Variants in SAMD3 observed in about 807,000 individuals in gnomAD.
SAMD3 encodes sterile alpha motif domain containing 3.
SAMD3 carries 63 observed loss-of-function variants against 58.5 expected under a neutral mutation model. The observed-to-expected ratio is 1.08, with a 90% CI of 0.88 to 1.33. The LOEUF (loss-of-function observed/expected upper bound fraction) is 1.33. Among genes scored for constraint, SAMD3 ranks in the 40% most tolerant of loss-of-function variants. The pLI is 0.00. For synonymous variants in SAMD3, 220 were observed against 210.3 expected (o/e 1.05, Z -0.40); for missense variants, 604 against 608.4 (o/e 0.99, Z 0.08).
chr6:130,337,310 C>T (rs905305240), intron 1 of SAMD3, among the ~76,000 whole-genome samples: 21 of 152,180 alleles, frequency 1.4e-4, no homozygotes, highest in Admixed American at 1.0e-3. Context: ...GACGTGCCTG[C>T]TTCCCCTTCC....
rs139665877 is a variant in SAMD3, at chr6:130,150,858, T to C, written c.1023+3967A>G. Among the ~76,000 whole-genome samples, 111 of 152,062 alleles carry C rather than the reference T, an allele frequency of 7.3e-4. 1 individual carries two copies. The East Asian group carries it at 0.02, about 27-fold the overall frequency. On this transcript the variant is annotated intron_variant, in intron 9 of 11. Coordinates refer to ENST00000439090, the MANE Select transcript of SAMD3 (RefSeq NM_001017373.4). ...TCCTGAGTAGCTGGGATTACAGGTG[T>C]GTGCCACCACACCCGGCTAATTTTT...
intron 2 of SAMD3, among the ~76,000 whole-genome samples, chr6:130,296,935 C>T (rs565487344): frequency 8.5e-4 from 129 of 152,242 alleles, no homozygotes; most frequent in Middle Eastern, 6.8e-3. Context: ...CACACCCCAG[C>T]CCCTTCCCCT....
Position 130,241,465 on chromosome 6 carries a change from T to G in SAMD3, c.-187-18652A>C, listed in dbSNP as rs9483095. ...CCCTGACCTTATGATCCACCTGCCTTGGTCTGCCAAAGTGCTAGGATTACA... is the reference window on the plus strand; with the variant it reads ...CCCTGACCTTATGATCCACCTGCCTGGGTCTGCCAAAGTGCTAGGATTACA... On this transcript the variant is annotated intron_variant, in intron 2 of 13. Coordinates refer to the SAMD3 transcript ENST00000368134. Among the ~76,000 whole-genome samples, 667 of 152,184 alleles carry G rather than the reference T, an allele frequency of 4.4e-3. 5 individuals are homozygous for G. Among genetic ancestry groups the G allele is most frequent in the African/African-American group, 0.015 (625 of 41,538 alleles).
chr6:130,325,270 T>C (rs1776719139), intron 1 of SAMD3, among the ~76,000 whole-genome samples: 1 of 152,178 alleles, frequency 6.6e-6, no homozygotes, highest in Non-Finnish European at 1.5e-5. Flanking sequence ...TGATATGGTG[T>C]CTGCAAGGAG....
At chr6:130,196,016 C>T (rs1410831672) in intron 5 of SAMD3, among the ~76,000 whole-genome samples, 2 of 152,172 alleles carry the variant, frequency 1.3e-5, no homozygotes, top group Non-Finnish European at 2.9e-5. Context: ...CTGCCCACAA[C>T]CGAGCTCTCC....
intron 1 of SAMD3, among the ~76,000 whole-genome samples, chr6:130,327,735 G>T (rs576410895): frequency 6.6e-6 from 1 of 152,218 alleles, no homozygotes; most frequent in African/African-American, 2.4e-5. Flanking sequence ...TGAGAAGTAT[G>T]CATCCAGCAT....
At chr6:130,259,478 C>T (rs1774039135) in intron 2 of SAMD3, among the ~76,000 whole-genome samples, 1 of 152,160 alleles carries the variant, frequency 6.6e-6, no homozygotes, top group Admixed American at 6.5e-5. Flanking sequence ...AGTGATCAGC[C>T]TCCATGATCC....
chr6:130,197,294 C>G (rs1239253041), intron 5 of SAMD3, among the ~76,000 whole-genome samples: 1 of 152,226 alleles, frequency 6.6e-6, no homozygotes. Context: ...TACTCTTATT[C>G]ACCGTTCTCA....
intron 7 of SAMD3, chr6:130,183,071 T>C (rs1314737856): frequency 1.7e-5 from 5 of 299,916 alleles, no homozygotes; most frequent in African/African-American, 4.4e-5. Context: ...ATGAAGACAG[T>C]GGTCTTTGAA....
chr6:130,238,903 T>C (rs1773257531), intron 2 of SAMD3, among the ~76,000 whole-genome samples: 1 of 152,122 alleles, frequency 6.6e-6, no homozygotes, highest in Non-Finnish European at 1.5e-5. Flanking sequence ...GGATTACAGG[T>C]GCCCACCACC....
In SAMD3 at chr6:130,158,186, CA is replaced by C. The variant is rs557745418; in HGVS notation, c.823-3162del. The stretch of plus-strand genomic sequence containing the variant: ...AAAATCCCAAACCTATCAAAAACCA[CA>C]ATTTTTTTTATCAGAACTTGACTAG... On this transcript the variant is annotated intron_variant, in intron 8 of 11. Coordinates refer to ENST00000439090, the MANE Select transcript of SAMD3 (RefSeq NM_001017373.4). 1.9e-3 allele frequency among the ~76,000 whole-genome samples: 293 copies of C among 152,258 alleles called. 2 individuals are homozygous for C. Among genetic ancestry groups the C allele is most frequent in the African/African-American group, 6.9e-3 (288 of 41,548 alleles).
chr6:130,146,184 G>A lies in SAMD3; in HGVS notation c.1024-3C>T. ...AGAAGTTGGAATTCTCTGAACATCT[G>A]ACAAAAGAAGAAAGCAATGGATACA... On this transcript the variant is annotated splice_region_variant and splice_polypyrimidine_tract_variant and intron_variant, in intron 9 of 11. Coordinates refer to ENST00000439090, the MANE Select transcript of SAMD3 (RefSeq NM_001017373.4). 1 of 1,556,146 alleles carries A rather than the reference G, an allele frequency of 6.4e-7. No homozygotes were observed. Among genetic ancestry groups the A allele is most frequent in the Non-Finnish European group, 8.7e-7 (1 of 1,151,736 alleles).
chr6:130,345,078 A>C (rs1465563366), intron 1 of SAMD3, among the ~76,000 whole-genome samples: 7 of 152,140 alleles, frequency 4.6e-5, no homozygotes, highest in Non-Finnish European at 8.8e-5. Context: ...GAACCTCTTA[A>C]GGTGGGGCAA....
At chr6:130,222,659 A>G (rs1340448581) in intron 1 of SAMD3, 35 bp downstream of exon 1, 1 of 152,216 alleles carries the variant, frequency 6.6e-6, no homozygotes, top group African/African-American at 2.4e-5. Context: ...GAAAAGTTAG[A>G]GTTTTATAGA....
intron 1 of SAMD3, among the ~76,000 whole-genome samples, chr6:130,362,887 C>T (rs1455842610): frequency 6.6e-6 from 1 of 152,092 alleles, no homozygotes; most frequent in Non-Finnish European, 1.5e-5. Flanking sequence ...AGAAAGAAAA[C>T]ATGAAAAGTA....
intron 9 of SAMD3, among the ~76,000 whole-genome samples, chr6:130,149,325 C>T (rs1223275894): frequency 1.3e-5 from 2 of 152,148 alleles, no homozygotes; most frequent in Non-Finnish European, 2.9e-5. Context: ...GGAGATTTCT[C>T]AAAGAACTTA....
At chr6:130,323,901 T>A (rs1305323008) in intron 1 of SAMD3, among the ~76,000 whole-genome samples, 1 of 152,002 alleles carries the variant, frequency 6.6e-6, no homozygotes, top group Non-Finnish European at 1.5e-5. Flanking sequence ...TTAGTGTCTT[T>A]TAAGTGCTGG....
intron 2 of SAMD3, among the ~76,000 whole-genome samples, chr6:130,306,303 G>A (rs1775908614): frequency 6.6e-6 from 1 of 152,118 alleles, no homozygotes; most frequent in Non-Finnish European, 1.5e-5. Flanking sequence ...TTTAAAACAG[G>A]AAATTAAATT....
intron 5 of SAMD3, among the ~76,000 whole-genome samples, chr6:130,190,847 G>A (rs1185881102): frequency 6.6e-6 from 1 of 151,870 alleles, no homozygotes; most frequent in Admixed American, 6.6e-5. Flanking sequence ...GGCTTCCAGG[G>A]CTACTTTTGG....
Sources: gnomAD v4.1 joint callset for allele counts (sites outside exome capture counted in the v4.1 genomes callset) on GRCh38, gnomAD v4.1.1 for gene constraint, MANE v1.5 for transcripts, NCBI Gene and HGNC (gene_info 2026-07-23, HGNC 2026-07-21) for gene names.